The following ARID3B variants were observed in gnomAD, a reference collection of about 807,000 sequenced individuals.
The protein encoded by ARID3B is AT-rich interactive domain-containing protein 3B.
ARID3B carries 10 observed loss-of-function variants against 51.9 expected under a neutral mutation model. The ratio of observed to expected loss-of-function variants is 0.19; its 90% CI spans 0.12 to 0.33. ARID3B has a LOEUF of 0.33. Ranked by LOEUF, ARID3B falls within the 10% of genes least tolerant of loss-of-function variation. ARID3B has a pLI of 1.00. For synonymous variants in ARID3B, 205 were observed against 279.5 expected (o/e 0.73, Z 2.66); for missense variants, 483 against 716.3 (o/e 0.67, Z 3.72).
At chr15:74,593,315 T>TA in intron 8 of ARID3B, 79 bp downstream of exon 8, 1 of 1,350,476 alleles carries the variant, frequency 7.4e-7, no homozygotes, top group Non-Finnish European at 1.0e-6. Flanking sequence ...CCCTGCCTCT[T>TA]ACCCTCTGTC....
At chr15:74,583,924 T>C (rs2061770899) in intron 4 of ARID3B, among the ~76,000 whole-genome samples, 3 of 152,204 alleles carry the variant, frequency 2.0e-5, no homozygotes, top group Admixed American at 2.0e-4. Context: ...CTCTGGCCTG[T>C]CTTGTGGAAC....
In ARID3B at chr15:74,558,157, C is replaced by G. The variant is rs570528105; in HGVS notation, c.552+13669C>G. Among the ~76,000 whole-genome samples, 7 of 148,346 alleles carry G rather than the reference C, an allele frequency of 4.7e-5. No individual in the cohort carries two copies. The South Asian group carries it at 1.5e-3, about 32-fold the overall frequency. ...TTTATTCCACTTGGGTCTCTGTCTGCTCCTTCAATCTGGTTTGTGTCTTTT... is the reference window on the plus strand; with the variant it reads ...TTTATTCCACTTGGGTCTCTGTCTGGTCCTTCAATCTGGTTTGTGTCTTTT... On this transcript the variant is annotated intron_variant, in intron 2 of 8. Coordinates refer to ENST00000346246, the MANE Select transcript of ARID3B (RefSeq NM_006465.4).
At chr15:74,550,226 C>T (rs747453607) in intron 2 of ARID3B, among the ~76,000 whole-genome samples, 10 of 152,138 alleles carry the variant, frequency 6.6e-5, no homozygotes, top group Non-Finnish European at 1.0e-4. Context: ...ATTCTTTCAG[C>T]CCAGCACTCC....
intron 2 of ARID3B, among the ~76,000 whole-genome samples, chr15:74,566,363 G>A (rs1374202710): frequency 6.6e-6 from 1 of 152,022 alleles, no homozygotes; most frequent in East Asian, 1.9e-4. Flanking sequence ...ACTTGGGGAG[G>A]CTGAGACGGG....
chr15:74,557,177 G>A (rs1029926284), intron 2 of ARID3B, among the ~76,000 whole-genome samples: 1 of 151,970 alleles, frequency 6.6e-6, no homozygotes, highest in East Asian at 1.9e-4. Context: ...CACTTTCGGA[G>A]GCCAACGCAG....
intron 4 of ARID3B, among the ~76,000 whole-genome samples, chr15:74,585,913 C>T (rs939446851): frequency 1.3e-5 from 2 of 152,222 alleles, no homozygotes; most frequent in Non-Finnish European, 2.9e-5. Flanking sequence ...TGGGAGAAAG[C>T]GCCACTGTCA....
At chr15:74,564,086 G>A (rs2061689269) in intron 2 of ARID3B, among the ~76,000 whole-genome samples, 3 of 152,222 alleles carry the variant, frequency 2.0e-5, no homozygotes, top group Admixed American at 1.3e-4. Context: ...TTACCTGACA[G>A]CGGAAGGTGT....
chr15:74,566,351 T>A (rs1170306125), intron 2 of ARID3B, among the ~76,000 whole-genome samples: 1 of 151,886 alleles, frequency 6.6e-6, no homozygotes. Context: ...TGTAATCCCA[T>A]CACTTGGGGA....
chr15:74,556,776 G>GTT lies in ARID3B; in HGVS notation c.552+12303_552+12304dup, dbSNP rs1283802329. On this transcript the variant is annotated intron_variant, in intron 2 of 8. Coordinates refer to ENST00000346246, the MANE Select transcript of ARID3B (RefSeq NM_006465.4). ...TCCTTTTTTCTTTTTTTTGTTTTTT[G>GTT]TTTTTTTTTTTTTTTTGAGACGGAG... is the stretch of plus-strand genomic sequence containing the variant. Among the ~76,000 whole-genome samples, 809 of 122,492 alleles carry GTT rather than the reference G, an allele frequency of 6.6e-3. 27 individuals are homozygous for GTT. Among genetic ancestry groups the GTT allele is most frequent in the African/African-American group, 0.023 (729 of 31,942 alleles). 80.4% of individuals were successfully genotyped at this position (122,492 alleles called of 152,430 possible).
At chr15:74,552,869 A>C (rs2061643219) in intron 2 of ARID3B, among the ~76,000 whole-genome samples, 1 of 152,210 alleles carries the variant, frequency 6.6e-6, no homozygotes, top group Non-Finnish European at 1.5e-5. Context: ...AAGTTTTGGC[A>C]ATTATGAATA....
chr15:74,596,278 C>T lies in ARID3B; in HGVS notation c.*504C>T, dbSNP rs1244896224. On this transcript the variant is annotated 3_prime_UTR_variant, in exon 9 of 9. Coordinates refer to ENST00000346246, the MANE Select transcript of ARID3B (RefSeq NM_006465.4). Reference sequence around the variant, plus strand: ...TCTCTGCAGAGCATGGGATGGGGCCCTTCCAGCCCACTTTGCCTACTGTTA... The same window carrying T: ...TCTCTGCAGAGCATGGGATGGGGCCTTTCCAGCCCACTTTGCCTACTGTTA... The T allele has an allele frequency of 4.3e-6, 1 of 234,710 alleles. No individual in the cohort carries two copies. Among genetic ancestry groups the T allele is most frequent in the Non-Finnish European group, 8.4e-6 (1 of 118,748 alleles). 14.5% of individuals were successfully genotyped at this position (234,710 alleles called of 1,614,324 possible).
At chr15:74,570,462 CAAAAAAAAAAAAAAAAAAA>C (rs71137395) in intron 2 of ARID3B, among the ~76,000 whole-genome samples, 10 of 64,590 alleles carry the variant, frequency 1.5e-4, no homozygotes, top group Non-Finnish European at 2.0e-4. Flanking sequence ...CTATAATTAG[CAAAAAAAAAAAAAAAAAAA>C]AAAAAAAAAA....
intron 2 of ARID3B, among the ~76,000 whole-genome samples, chr15:74,557,660 A>T (rs1197221090): frequency 6.6e-6 from 1 of 152,056 alleles, no homozygotes; most frequent in Admixed American, 6.5e-5. Flanking sequence ...TCGCTTGAAT[A>T]CTTAGAGGCC....
chr15:74,589,754 C>A, intron 4 of ARID3B, 66 bp from the exon 5 acceptor site: 1 of 1,493,024 alleles, frequency 6.7e-7, no homozygotes, highest in Non-Finnish European at 9.1e-7. Context: ...GGTGGGCATA[C>A]ACGGAATCTT....
In ARID3B at chr15:74,589,804, C is replaced by G; in HGVS notation, c.698-16C>G. On this transcript the variant is annotated splice_polypyrimidine_tract_variant and intron_variant, in intron 4 of 8. Transcript: ENST00000346246. Reference sequence around the variant, plus strand: ...TGATGATCCCGCTGTCTCTTTCTCTCGTTGGACAACCACAGGGACCCCCAT... The same window carrying G: ...TGATGATCCCGCTGTCTCTTTCTCTGGTTGGACAACCACAGGGACCCCCAT... The G allele has an allele frequency of 6.3e-7, 1 of 1,593,716 alleles. No homozygotes were observed. The highest frequency in any genetic ancestry group is 1.9e-4 in the Middle Eastern group (1 of 5,340).
At chr15:74,576,440 G>GAGGTGGGAGGCTC (rs1235412240) in intron 4 of ARID3B, among the ~76,000 whole-genome samples, 1 of 152,188 alleles carries the variant, frequency 6.6e-6, no homozygotes, top group Non-Finnish European at 1.5e-5. Context: ...GTGGGAGGCT[G>GAGGTGGGAGGCTC]AGGTGGGAGG....
intron 4 of ARID3B, among the ~76,000 whole-genome samples, chr15:74,580,665 CAG>C (rs1342245093): frequency 6.6e-6 from 1 of 152,224 alleles, no homozygotes; most frequent in East Asian, 1.9e-4. Context: ...CCTAAGGCCA[CAG>C]AGCAGACTTA....
intron 2 of ARID3B, among the ~76,000 whole-genome samples, 179 bp downstream of exon 2, chr15:74,544,667 A>G (rs2141371663): frequency 6.6e-6 from 1 of 151,924 alleles, no homozygotes; most frequent in Admixed American, 6.6e-5. Flanking sequence ...TTCTTCATTA[A>G]AGCAATGAAA....
chr15:74,570,349 T>C (rs1271913166), intron 2 of ARID3B, among the ~76,000 whole-genome samples: 1 of 152,014 alleles, frequency 6.6e-6, no homozygotes, highest in African/African-American at 2.4e-5. Flanking sequence ...GCTGTCCTTC[T>C]GTGGAAAGCC....
Sources: allele counts gnomAD v4.1 joint callset (sites outside exome capture counted in the v4.1 genomes callset), GRCh38; gene constraint gnomAD v4.1.1; transcripts MANE v1.5; gene names NCBI Gene and HGNC (gene_info 2026-07-23, HGNC 2026-07-21).